Variants in PDE10A observed in about 807,000 individuals in gnomAD.
PDE10A encodes cAMP and cAMP-inhibited cGMP 3',5'-cyclic phosphodiesterase 10A.
PDE10A carries 39 observed loss-of-function variants against 97.7 expected under a neutral mutation model. The ratio of observed to expected loss-of-function variants is 0.40; its 90% CI spans 0.31 to 0.52. PDE10A has a LOEUF of 0.52. Among genes scored for constraint, PDE10A ranks in the 20% least tolerant of loss-of-function variants. The pLI is 0.56. For synonymous variants in PDE10A, 371 were observed against 376.8 expected (o/e 0.98, Z 0.18); for missense variants, 731 against 1,047.8 (o/e 0.70, Z 4.17).
intron 18 of PDE10A, among the ~76,000 whole-genome samples, chr6:165,356,506 C>T (rs919932964): frequency 6.6e-6 from 1 of 152,008 alleles, no homozygotes; most frequent in South Asian, 2.1e-4. Context: ...CTTTTCATTT[C>T]CTTAAAGGTA....
chr6:165,876,668 G>A (rs3002430), intron 1 of PDE10A, among the ~76,000 whole-genome samples: 117,049 of 152,118 alleles, frequency 0.77, 45,263 homozygotes, highest in East Asian at 0.96. Context: ...GGGACCTTCA[G>A]TGGTTAAAAA....
At chr6:165,835,233 A>G (rs1583166928) in intron 1 of PDE10A, among the ~76,000 whole-genome samples, 1 of 152,208 alleles carries the variant, frequency 6.6e-6, no homozygotes, top group East Asian at 1.9e-4. Context: ...TTTAACAATG[A>G]TAAAATTGAG....
At chr6:165,717,500 C>T (rs994359916) in intron 1 of PDE10A, among the ~76,000 whole-genome samples, 6 of 152,022 alleles carry the variant, frequency 3.9e-5, no homozygotes, top group Non-Finnish European at 8.8e-5. Flanking sequence ...AGGAGAATTG[C>T]TTGAACCTGG....
At chr6:165,858,886 G>A (rs927455650) in intron 1 of PDE10A, among the ~76,000 whole-genome samples, 2 of 152,208 alleles carry the variant, frequency 1.3e-5, no homozygotes, top group Non-Finnish European at 1.5e-5. Context: ...AATACTCTTT[G>A]AGGGTAGAAT....
At chr6:165,866,161 C>T (rs914773169) in intron 1 of PDE10A, among the ~76,000 whole-genome samples, 1 of 152,066 alleles carries the variant, frequency 6.6e-6, no homozygotes, top group East Asian at 1.9e-4. Flanking sequence ...AAAAATAAGA[C>T]CCAAGTATAT....
chr6:165,698,226 G>A (rs908002495), intron 1 of PDE10A, among the ~76,000 whole-genome samples: 5 of 152,174 alleles, frequency 3.3e-5, no homozygotes, highest in Non-Finnish European at 7.4e-5. Flanking sequence ...GGCTGCTTGA[G>A]TTGAGGCAGT....
chr6:165,947,432 T>C (rs2128494196), intron 1 of PDE10A, among the ~76,000 whole-genome samples: 1 of 152,334 alleles, frequency 6.6e-6, no homozygotes, highest in Admixed American at 6.5e-5. Flanking sequence ...AAACTACATA[T>C]CTAATGTTGA....
At chr6:165,547,723 T>C (rs1187015388) in intron 1 of PDE10A, among the ~76,000 whole-genome samples, 1 of 152,192 alleles carries the variant, frequency 6.6e-6, no homozygotes, top group Admixed American at 6.5e-5. Context: ...AGAGCAGTGA[T>C]GAAAAGGATT....
rs201870889 is a variant in PDE10A, at chr6:165,448,900, G to A, written c.1194+28C>T. 5.1e-4 allele frequency: 757 copies of A among 1,477,910 alleles called. 1 individual carries two copies. The highest frequency in any genetic ancestry group is 1.9e-3 in the Middle Eastern group (11 of 5,764). The allele number at this position is 1,477,910 out of a possible 1,614,324, so 91.5% of individuals were successfully genotyped here. A position where few individuals can be genotyped will look rare whatever the true frequency, so the allele number is the denominator to read the frequency against. On this transcript the variant is annotated intron_variant, in intron 5 of 21. Transcript: ENST00000539869. ...AGCTTATGATATTTTCTTATCTAGAGCACCAAAATCTAAATTTAGATACTT... is the reference window on the plus strand; with the variant it reads ...AGCTTATGATATTTTCTTATCTAGAACACCAAAATCTAAATTTAGATACTT...
At chr6:165,855,030 A>AATGCATGC (rs1427619099) in intron 1 of PDE10A, among the ~76,000 whole-genome samples, 47 of 143,602 alleles carry the variant, frequency 3.3e-4, no homozygotes, top group African/African-American at 1.2e-3. Context: ...TGAATGAATG[A>AATGCATGC]ATGCATGAAT....
At chr6:165,713,190 C>T (rs1041343281) in intron 1 of PDE10A, among the ~76,000 whole-genome samples, 3 of 152,198 alleles carry the variant, frequency 2.0e-5, no homozygotes, top group African/African-American at 4.8e-5. Context: ...GAGCAGATCA[C>T]GAGTGCCCGT....
At chr6:165,468,647 T>G (rs1778804767) in intron 3 of PDE10A, among the ~76,000 whole-genome samples, 1 of 152,214 alleles carries the variant, frequency 6.6e-6, no homozygotes, top group Admixed American at 6.5e-5. Context: ...GAGGCTACTA[T>G]TCTCATGGAG....
At chr6:165,380,375 C>T (rs1784857959) in intron 17 of PDE10A, among the ~76,000 whole-genome samples, 1 of 152,154 alleles carries the variant, frequency 6.6e-6, no homozygotes, top group Admixed American at 6.5e-5. Context: ...AGACATCTCA[C>T]TAAGACACTG....
intron 1 of PDE10A, among the ~76,000 whole-genome samples, chr6:165,869,235 T>A (rs1781134910): frequency 6.6e-6 from 1 of 151,962 alleles, no homozygotes; most frequent in South Asian, 2.1e-4. Flanking sequence ...AACTGACATA[T>A]TCGGTAAAGT....
chr6:165,478,306 CA>C (rs1468812041), intron 3 of PDE10A, among the ~76,000 whole-genome samples: 1 of 151,994 alleles, frequency 6.6e-6, no homozygotes, highest in Non-Finnish European at 1.5e-5. Flanking sequence ...AACTACAAAC[CA>C]AAAATAAAAC....
intron 18 of PDE10A, among the ~76,000 whole-genome samples, chr6:165,357,625 G>C (rs1019119246): frequency 3.9e-5 from 6 of 151,906 alleles, no homozygotes; most frequent in Non-Finnish European, 7.4e-5. Flanking sequence ...AATTTATCCG[G>C]TTCATCTAAG....
chr6:165,979,211 G>T (rs1439336311), intron 1 of PDE10A, among the ~76,000 whole-genome samples: 3 of 152,162 alleles, frequency 2.0e-5, no homozygotes, highest in Non-Finnish European at 4.4e-5. Flanking sequence ...GCTGGGTAAG[G>T]GTTCTTGTTC....
intron 3 of PDE10A, among the ~76,000 whole-genome samples, chr6:165,459,518 TAGATAGAC>T (rs377711023): frequency 0.047 from 3,815 of 80,632 alleles, 131 homozygotes; most frequent in African/African-American, 0.16. Context: ...GATAGATAGA[TAGATAGAC>T]AGACAGACAG....
chr6:165,395,099 T>A, intron 15 of PDE10A, 82 bp downstream of exon 15: 1 of 758,456 alleles, frequency 1.3e-6, no homozygotes, highest in South Asian at 1.7e-5. Context: ...CAAACAAAGA[T>A]CGTGGTGAGG....
Sources: allele counts gnomAD v4.1 joint callset (sites outside exome capture counted in the v4.1 genomes callset), GRCh38; gene constraint gnomAD v4.1.1; transcripts MANE v1.5; gene names NCBI Gene and HGNC (gene_info 2026-07-23, HGNC 2026-07-21).